Variants in SPAG16 observed in about 807,000 individuals in gnomAD.
SPAG16 encodes the protein sperm-associated antigen 16 protein.
A neutral mutation model predicts 80.4 loss-of-function variants in SPAG16; 86 were observed. That is an observed-to-expected ratio of 1.07 (90% confidence interval 0.90 to 1.28). SPAG16 has a LOEUF of 1.28. SPAG16 is among the 50% of genes most tolerant of loss of function. The pLI, the probability that SPAG16 is intolerant of heterozygous loss-of-function variation, is 0.00. For synonymous variants in SPAG16, 294 were observed against 265.9 expected (o/e 1.11, Z -1.03); for missense variants, 870 against 765.3 (o/e 1.14, Z -1.61).
At chr2:213,797,764 A>T (rs1468214342) in intron 10 of SPAG16, among the ~76,000 whole-genome samples, 1 of 152,206 alleles carries the variant, frequency 6.6e-6, no homozygotes, top group East Asian at 1.9e-4. Context: ...GGGCATTGTG[A>T]ATAAGCTGCT....
chr2:213,318,040 T>A (rs2063473662), intron 5 of SPAG16: 1 of 152,064 alleles, frequency 6.6e-6, no homozygotes, highest in African/African-American at 2.4e-5. Flanking sequence ...CATGTATGAG[T>A]GTTCTCTTTT....
At chr2:213,286,966 G>GC (rs967215829) in intron 1 of SPAG16, among the ~76,000 whole-genome samples, 2 of 152,138 alleles carry the variant, frequency 1.3e-5, no homozygotes, top group African/African-American at 4.8e-5. Flanking sequence ...TTCTTACCCT[G>GC]CAACACCCTT....
intron 10 of SPAG16, among the ~76,000 whole-genome samples, chr2:213,657,860 G>C (rs1039320120): frequency 6.6e-6 from 1 of 152,048 alleles, no homozygotes; most frequent in Non-Finnish European, 1.5e-5. Flanking sequence ...ATTAGTAGAG[G>C]TTTTCATTTT....
chr2:214,215,903 C>A (rs1350237675), intron 15 of SPAG16, among the ~76,000 whole-genome samples: 2 of 152,168 alleles, frequency 1.3e-5, no homozygotes, highest in African/African-American at 4.8e-5. Flanking sequence ...CTTTTTCCTG[C>A]CTTAGTTCCA....
chr2:213,292,805 T>C (rs2062346613), intron 1 of SPAG16, among the ~76,000 whole-genome samples: 1 of 152,128 alleles, frequency 6.6e-6, no homozygotes, highest in African/African-American at 2.4e-5. Flanking sequence ...TAAAAGATTT[T>C]TTTTTCCATA....
intron 10 of SPAG16, among the ~76,000 whole-genome samples, chr2:213,525,762 T>C (rs1452297567): frequency 6.6e-6 from 1 of 152,182 alleles, no homozygotes; most frequent in African/African-American, 2.4e-5. Context: ...TATATCCATG[T>C]CTATGTATAT....
intron 15 of SPAG16, among the ~76,000 whole-genome samples, chr2:214,235,330 A>G (rs76663547): frequency 0.11 from 17,436 of 152,126 alleles, 1,172 homozygotes; most frequent in Middle Eastern, 0.21. Context: ...ATTTAAACAT[A>G]TTTTCTCCAA....
chr2:213,284,582 G>A lies in SPAG16; in HGVS notation c.99G>A (p.Ala33=). 2 of 1,609,720 alleles carry A rather than the reference G, an allele frequency of 1.2e-6. No homozygotes were observed. Among genetic ancestry groups the A allele is most frequent in the Non-Finnish European group, 1.7e-6 (2 of 1,178,582 alleles). Residue 33 remains alanine, a synonymous_variant, in exon 1 of 16, where the codon GCG becomes GCA. Coordinates refer to ENST00000331683, the MANE Select transcript of SPAG16 (RefSeq NM_024532.5). ...CAGCCGGGGACGCGAGGGACACGGC[G>A]GACGCGGTGGCGGCTGAGGGCGCCT... The part of the protein sequence containing the change: ...LTAAGDARDT[A]DAVAAEGAYY...
At chr2:213,906,006 C>T (rs2077415128) in intron 11 of SPAG16, among the ~76,000 whole-genome samples, 1 of 152,160 alleles carries the variant, frequency 6.6e-6, no homozygotes, top group African/African-American at 2.4e-5. Context: ...AAATAAATTT[C>T]CTGTCTTGAA....
At chr2:213,617,855 T>C (rs572043375) in intron 10 of SPAG16, among the ~76,000 whole-genome samples, 4 of 152,206 alleles carry the variant, frequency 2.6e-5, no homozygotes, top group South Asian at 2.1e-4. Context: ...ATGAACCCTA[T>C]TGACATCAAG....
At chr2:214,012,477 G>T (rs2047361546) in intron 12 of SPAG16, among the ~76,000 whole-genome samples, 1 of 150,724 alleles carries the variant, frequency 6.6e-6, no homozygotes, top group African/African-American at 2.4e-5. Context: ...TGTATTTTTA[G>T]TAGAGATGGG....
intron 5 of SPAG16, among the ~76,000 whole-genome samples, chr2:213,321,453 T>C (rs546965112): frequency 1.3e-5 from 2 of 152,228 alleles, no homozygotes; most frequent in South Asian, 2.1e-4. Flanking sequence ...TCAAGCTATG[T>C]TAAAGAGCTT....
intron 10 of SPAG16, among the ~76,000 whole-genome samples, chr2:213,721,018 C>A (rs2066509057): frequency 6.6e-6 from 1 of 152,110 alleles, no homozygotes; most frequent in Non-Finnish European, 1.5e-5. Context: ...TCCCAAAGTG[C>A]TGGGATTACA....
intron 9 of SPAG16, among the ~76,000 whole-genome samples, chr2:213,422,860 C>T (rs1208159042): frequency 6.6e-6 from 1 of 152,206 alleles, no homozygotes; most frequent in African/African-American, 2.4e-5. Context: ...CAAGCCTTAG[C>T]CTCAAGATAC....
At chr2:213,358,234 C>G (rs1163886609) in intron 7 of SPAG16, among the ~76,000 whole-genome samples, 1 of 152,106 alleles carries the variant, frequency 6.6e-6, no homozygotes, top group Non-Finnish European at 1.5e-5. Context: ...GATTATGTGT[C>G]TTAGGGTTAC....
chr2:213,502,489 C>T (rs965471157), intron 10 of SPAG16, among the ~76,000 whole-genome samples: 1 of 152,064 alleles, frequency 6.6e-6, no homozygotes, highest in Non-Finnish European at 1.5e-5. Flanking sequence ...TATTTGTTCA[C>T]CCTACTATAA....
intron 10 of SPAG16, among the ~76,000 whole-genome samples, chr2:213,569,770 C>T (rs2059856522): frequency 8.7e-6 from 1 of 114,572 alleles, no homozygotes; most frequent in East Asian, 2.3e-4. Context: ...AGGGAGGATT[C>T]CCTCTTTTTC....
chr2:213,731,905 G>C (rs1027696859), intron 10 of SPAG16, among the ~76,000 whole-genome samples: 3 of 152,098 alleles, frequency 2.0e-5, no homozygotes, highest in Non-Finnish European at 4.4e-5. Flanking sequence ...CTATGCAGGA[G>C]CTCTTTAGGT....
intron 3 of SPAG16, among the ~76,000 whole-genome samples, chr2:213,309,134 T>C (rs2063077340): frequency 6.6e-6 from 1 of 152,144 alleles, no homozygotes; most frequent in Admixed American, 6.6e-5. Context: ...TTTTTGGCTA[T>C]TGGAGCATTT....
Sources: gnomAD v4.1 joint callset for allele counts (sites outside exome capture counted in the v4.1 genomes callset) on GRCh38, gnomAD v4.1.1 for gene constraint, MANE v1.5 for transcripts, NCBI Gene and HGNC (gene_info 2026-07-23, HGNC 2026-07-21) for gene names.